The following SHROOM3 variants were observed in gnomAD, a reference collection of about 807,000 sequenced individuals.
SHROOM3 encodes the protein protein Shroom3.
Under a neutral mutation model 138.6 loss-of-function variants are expected in SHROOM3, and 47 were observed. The ratio of observed to expected loss-of-function variants is 0.34; its 90% CI spans 0.27 to 0.43. The LOEUF (loss-of-function observed/expected upper bound fraction) is 0.43, where lower values mean the gene tolerates loss of function less well. Ranked by LOEUF, SHROOM3 falls within the 20% of genes least tolerant of loss-of-function variation. The pLI, the probability that SHROOM3 is intolerant of heterozygous loss-of-function variation, is 1.00. For missense variants in SHROOM3, 2,491 were observed against 2,596.5 expected (o/e 0.96, Z 0.88); for synonymous variants, 1,062 against 1,063.3 (o/e 1.00, Z 0.02).
intron 5 of SHROOM3, among the ~76,000 whole-genome samples, chr4:76,744,294 G>A (rs969135718): frequency 1.3e-5 from 2 of 152,322 alleles, no homozygotes; most frequent in Admixed American, 6.5e-5. Flanking sequence ...GGCAGAGAGG[G>A]AAATATTTCC....
At chr4:76,551,046 C>G (rs1464793148) in intron 1 of SHROOM3, among the ~76,000 whole-genome samples, 1 of 151,718 alleles carries the variant, frequency 6.6e-6, no homozygotes, top group African/African-American at 2.4e-5. Flanking sequence ...CCCTCTGTTG[C>G]CCAGACTGGA....
At chr4:76,494,647 G>A (rs1242959319) in intron 1 of SHROOM3, among the ~76,000 whole-genome samples, 2 of 152,196 alleles carry the variant, frequency 1.3e-5, no homozygotes, top group African/African-American at 2.4e-5. Context: ...GTGCCTGATC[G>A]TAAGGGGGTG....
At chr4:76,551,908 C>CTG (rs1236089234) in intron 1 of SHROOM3, among the ~76,000 whole-genome samples, 1 of 151,414 alleles carries the variant, frequency 6.6e-6, no homozygotes, top group Non-Finnish European at 1.5e-5. Flanking sequence ...GTCACCCAGG[C>CTG]TGGAGTGCAG....
At chr4:76,481,661 G>A (rs1731616298) in intron 1 of SHROOM3, among the ~76,000 whole-genome samples, 1 of 152,074 alleles carries the variant, frequency 6.6e-6, no homozygotes, top group African/African-American at 2.4e-5. Flanking sequence ...ACTCCTCCCA[G>A]CATCATCCTG....
At chr4:76,744,019 G>A (rs1409414809) in intron 5 of SHROOM3, among the ~76,000 whole-genome samples, 1 of 152,146 alleles carries the variant, frequency 6.6e-6, no homozygotes, top group Non-Finnish European at 1.5e-5. Flanking sequence ...ATTAGATATT[G>A]TTATTTTGTC....
rs186664800 is a variant in SHROOM3, at chr4:76,772,826, T to C, written c.5622+1928T>C. On this transcript the variant is annotated intron_variant, in intron 10 of 10. Coordinates refer to ENST00000296043, the MANE Select transcript of SHROOM3 (RefSeq NM_020859.4). ...TGGAGGAGCAATTGTGTGCTGGTGC[T>C]GAGCATAATGAGAAACTCAGCCACC... 8.5e-5 allele frequency among the ~76,000 whole-genome samples: 13 copies of C among 152,264 alleles called. No individual in the cohort carries two copies. The East Asian group carries it at 1.9e-3, about 23-fold the overall frequency.
At chr4:76,550,529 T>C (rs1208649237) in intron 1 of SHROOM3, among the ~76,000 whole-genome samples, 1 of 152,162 alleles carries the variant, frequency 6.6e-6, no homozygotes, top group Non-Finnish European at 1.5e-5. Flanking sequence ...ACTAGAAATG[T>C]GGGATGGGCC....
In SHROOM3 at chr4:76,739,876, A is replaced by G. The variant is rs756421635; in HGVS notation, c.1703A>G (p.Asp568Gly). The change falls in exon 5 of 11, where the codon GAT becomes GGT. Residue 568 changes from aspartate to glycine, a missense_variant. Asp to Gly is a moderately conservative substitution (Grantham distance 94). Around this residue, in one of 4 missense-constraint regions of SHROOM3, gnomAD observed 1,733 missense variants for 1,661.6 expected, o/e 1.04. Transcript: ENST00000296043. Reference sequence around the variant, plus strand: ...TGTTCAGTGCCTGAAAATGAGGAGGATGCCTCCCTGAAGAGACATCTCACA... The same window carrying G: ...TGTTCAGTGCCTGAAAATGAGGAGGGTGCCTCCCTGAAGAGACATCTCACA... Reference protein sequence around the residue: ...HFCSVPENEEDASLKRHLTPP... With the variant: ...HFCSVPENEEGASLKRHLTPP... 6.2e-7 allele frequency: 1 copy of G among 1,614,172 alleles called. No homozygotes were observed. The highest frequency in any genetic ancestry group is 8.5e-7 in the Non-Finnish European group (1 of 1,180,040).
intron 2 of SHROOM3, among the ~76,000 whole-genome samples, chr4:76,652,966 A>G (rs1314140642): frequency 6.6e-6 from 1 of 152,090 alleles, no homozygotes; most frequent in Non-Finnish European, 1.5e-5. Flanking sequence ...GTGTGGTGAG[A>G]CAAGAGATGG....
rs536576757 is a variant in SHROOM3, at chr4:76,550,779, G to A, written c.169-4830G>A. 5.3e-5 allele frequency among the ~76,000 whole-genome samples: 8 copies of A among 151,978 alleles called. No individual in the cohort carries two copies. In the South Asian group the frequency reaches 1.7e-3, roughly 32 times the overall value. ...TTTGGGAGGCTGAAGCGGGAGGCTT[G>A]CTTGAGTTCAGGAGTTCAAGACCAG... On this transcript the variant is annotated intron_variant, in intron 1 of 10. Coordinates refer to ENST00000296043, the MANE Select transcript of SHROOM3 (RefSeq NM_020859.4).
chr4:76,550,925 G>A (rs541218222), intron 1 of SHROOM3, among the ~76,000 whole-genome samples: 47 of 148,312 alleles, frequency 3.2e-4, no homozygotes, highest in Non-Finnish European at 6.2e-4. Context: ...CTTGGGTCCA[G>A]GAGTTTGAGG....
chr4:76,673,475 C>A (rs946105504), intron 2 of SHROOM3, among the ~76,000 whole-genome samples: 7 of 151,594 alleles, frequency 4.6e-5, no homozygotes, highest in African/African-American at 1.7e-4. Context: ...TGTTTTTTGT[C>A]CTTTTTGTCT....
intron 1 of SHROOM3, among the ~76,000 whole-genome samples, chr4:76,472,126 T>C (rs993970204): frequency 4.6e-5 from 7 of 152,214 alleles, no homozygotes; most frequent in African/African-American, 7.2e-5. Context: ...TACTAGCTCA[T>C]TTATTATTAG....
chr4:76,695,841 A>T (rs1719710952), intron 2 of SHROOM3, among the ~76,000 whole-genome samples: 1 of 152,210 alleles, frequency 6.6e-6, no homozygotes, highest in South Asian at 2.1e-4. Flanking sequence ...CCATTTCCTC[A>T]GCCACTCAAG....
chr4:76,601,799 G>A (rs921792271), intron 2 of SHROOM3, among the ~76,000 whole-genome samples: 4 of 152,284 alleles, frequency 2.6e-5, no homozygotes, highest in East Asian at 3.9e-4. Flanking sequence ...GAGCCACGGC[G>A]CCCAGCCTTA....
intron 1 of SHROOM3, among the ~76,000 whole-genome samples, chr4:76,518,129 G>A (rs1732481116): frequency 1.3e-5 from 2 of 152,158 alleles, no homozygotes; most frequent in South Asian, 4.1e-4. Context: ...GTATGTGTGT[G>A]TGTATTCCTA....
chr4:76,557,226 T>TACACACACACACACAC (rs35294663), intron 2 of SHROOM3, among the ~76,000 whole-genome samples: 1,541 of 141,972 alleles, frequency 0.011, 17 homozygotes, highest in Non-Finnish European at 0.015. Context: ...TGTTTATGTA[T>TACACACACACACACAC]ACACACACAC....
chr4:76,697,304 G>T (rs530981913), intron 2 of SHROOM3, among the ~76,000 whole-genome samples: 4 of 152,128 alleles, frequency 2.6e-5, no homozygotes, highest in African/African-American at 9.6e-5. Flanking sequence ...AGAGTCTGGT[G>T]GGCCCCAGAG....
intron 2 of SHROOM3, among the ~76,000 whole-genome samples, chr4:76,635,780 G>C (rs1423492632): frequency 6.6e-6 from 1 of 152,158 alleles, no homozygotes; most frequent in Non-Finnish European, 1.5e-5. Context: ...TTCACCATAG[G>C]AGCCACTTGA....
Sources: allele counts gnomAD v4.1 joint callset (sites outside exome capture counted in the v4.1 genomes callset), GRCh38; gene constraint gnomAD v4.1.1; regional missense constraint gnomAD v4.1.1; transcripts MANE v1.5; gene names NCBI Gene and HGNC (gene_info 2026-07-23, HGNC 2026-07-21).